Variants in CLN3 observed in about 807,000 individuals in gnomAD.
The protein encoded by CLN3 is battenin.
In CLN3, 49 loss-of-function variants were observed where a neutral mutation model predicts 60.7. The ratio of observed to expected loss-of-function variants is 0.81; its 90% CI spans 0.64 to 1.02. The LOEUF is 1.02. Among genes scored for constraint, CLN3 ranks in the 50% least tolerant of loss-of-function variants. CLN3 has a pLI of 0.00. For synonymous variants in CLN3, 256 were observed against 245.8 expected (o/e 1.04, Z -0.39); for missense variants, 516 against 557.4 (o/e 0.93, Z 0.75).
At chr16:28,482,430 C>T (rs1320295852) in intron 12 of CLN3, 47 bp downstream of exon 12, 1 of 1,613,518 alleles carries the variant, frequency 6.2e-7, no homozygotes, top group Non-Finnish European at 8.5e-7. Flanking sequence ...GTGTGGGTCC[C>T]AGCCCCAATC....
chr16:28,477,294 G>A lies in CLN3; in HGVS notation c.*222C>T, dbSNP rs1487182506. The A allele has an allele frequency of 1.8e-5, 11 of 597,606 alleles. No homozygotes were observed. The highest frequency in any genetic ancestry group is 2.9e-5 in the East Asian group (1 of 34,720). The allele number at this position is 597,606 out of a possible 1,614,324, so 37.0% of individuals were successfully genotyped here. A position where few individuals can be genotyped will look rare whatever the true frequency, so the allele number is the denominator to read the frequency against. On this transcript the variant is annotated 3_prime_UTR_variant, in exon 16 of 16. Transcript: ENST00000636147. ...ATATAAGAAGTCCATGGATAAAATC[G>A]GCATTTATTCAGAAGGCATGATGCC...
At chr16:28,472,235 A>G (rs1220935227), downstream of CLN3, among the ~76,000 whole-genome samples, 1 of 152,044 alleles carries the variant, frequency 6.6e-6, no homozygotes, top group African/African-American at 2.4e-5. Context: ...CAACATAGTG[A>G]GACACCGTCT....
At chr16:28,481,440 A>ACACACACACACACACACG in intron 14 of CLN3, among the ~76,000 whole-genome samples, 1 of 133,776 alleles carries the variant, frequency 7.5e-6, no homozygotes, top group Non-Finnish European at 1.6e-5. Context: ...ACACACACAC[A>ACACACACACACACACACG]CACACACACA....
chr16:28,491,302 G>T (rs534644040), intron 3 of CLN3, among the ~76,000 whole-genome samples, 180 bp downstream of exon 3: 1 of 152,336 alleles, frequency 6.6e-6, no homozygotes, highest in African/African-American at 2.4e-5. Context: ...GCTAAATCCG[G>T]AAGGTGATAA....
chr16:28,491,715 C>T lies in CLN3; in HGVS notation c.45G>A (p.Glu15=), dbSNP rs201824641. The part of the protein sequence containing the change: ...AGSRRRFSDS[E]GEETVPEPRL... ...ATGAGGGTGGGCGGGAATACTCACC[C>T]TCGGAATCCGAAAAGCGCCGCCGCG... Residue 15 remains glutamate (E), a splice_region_variant and synonymous_variant, in exon 2 of 16, where the codon GAG becomes GAA. Transcript: ENST00000636147. The T allele has an allele frequency of 9.2e-4, 1,477 of 1,614,092 alleles. 20 individuals carry two copies. In the South Asian group the frequency reaches 0.012, roughly 14 times the overall value.
chr16:28,489,460 C>A, intron 3 of CLN3, 74 bp from the exon 4 acceptor site: 1 of 1,029,774 alleles, frequency 9.7e-7, no homozygotes, highest in South Asian at 1.4e-5. Context: ...CAAACCTTCC[C>A]TTACCTGTGC....
At chr16:28,487,292 C>T in intron 7 of CLN3, 164 bp downstream of exon 7, 1 of 702,664 alleles carries the variant, frequency 1.4e-6, no homozygotes, top group African/African-American at 1.8e-5. Flanking sequence ...GCCTACCCCT[C>T]CAAATTGTCC....
intron 10 of CLN3, 98 bp from the exon 11 acceptor site, chr16:28,482,770 G>C: frequency 7.7e-7 from 1 of 1,290,604 alleles, no homozygotes; most frequent in Non-Finnish European, 1.1e-6. Flanking sequence ...CCACGCAACA[G>C]TGGGAACTCA....
downstream of CLN3, among the ~76,000 whole-genome samples, chr16:28,470,745 G>A (rs2045944551): frequency 6.6e-6 from 1 of 150,922 alleles, no homozygotes; most frequent in South Asian, 2.1e-4. Context: ...GTCTGGGAAA[G>A]GATCCGGTTC....
At chr16:28,470,745 G>C (rs2045944551), downstream of CLN3, among the ~76,000 whole-genome samples, 1 of 150,922 alleles carries the variant, frequency 6.6e-6, no homozygotes, top group South Asian at 2.1e-4. Context: ...GTCTGGGAAA[G>C]GATCCGGTTC....
At chr16:28,485,040 G>A (rs1447033769) in intron 9 of CLN3, 1 of 151,330 alleles carries the variant, frequency 6.6e-6, no homozygotes, top group Non-Finnish European at 1.5e-5. Context: ...CTGCCTCCTG[G>A]GTTCAAGCGA....
chr16:28,478,135 C>T (rs1242545266), intron 14 of CLN3, among the ~76,000 whole-genome samples: 1 of 150,870 alleles, frequency 6.6e-6, no homozygotes. Flanking sequence ...CATGGTAAAA[C>T]CCCATCTCAA....
intron 6 of CLN3, 48 bp from the exon 7 acceptor site, chr16:28,487,589 C>A (rs745614079): frequency 1.3e-6 from 2 of 1,596,856 alleles, no homozygotes; most frequent in Non-Finnish European, 1.7e-6. Flanking sequence ...TCTCTACTCT[C>A]AGCATCTCAG....
downstream of CLN3, chr16:28,475,568 A>T (rs2045984516): frequency 1.3e-5 from 2 of 152,256 alleles, no homozygotes; most frequent in Admixed American, 1.3e-4. Flanking sequence ...CCATGCTATT[A>T]ACCAGTGGGT....
At chr16:28,483,710 TTTC>T (rs1596558286) in intron 10 of CLN3, among the ~76,000 whole-genome samples, 1 of 131,414 alleles carries the variant, frequency 7.6e-6, no homozygotes, top group Non-Finnish European at 1.7e-5. Flanking sequence ...CTTCCTTTCT[TTTC>T]TTTTTTTTTT....
At chr16:28,483,854 G>A (rs973088353) in intron 10 of CLN3, 152 bp downstream of exon 10, 17 of 644,752 alleles carry the variant, frequency 2.6e-5, no homozygotes, top group Non-Finnish European at 4.1e-5. Flanking sequence ...CACTGTGCTC[G>A]TCCTCAACAA....
chr16:28,491,604 T>C (rs754289017), intron 2 of CLN3, 44 bp from the exon 3 acceptor site: 2 of 1,613,516 alleles, frequency 1.2e-6, no homozygotes, highest in Non-Finnish European at 1.7e-6. Context: ...TACTCTCAGG[T>C]GCACGACCGC....
chr16:28,491,412 T>C (rs2046310817), intron 3 of CLN3, 70 bp downstream of exon 3: 1 of 1,573,364 alleles, frequency 6.4e-7, no homozygotes, highest in Admixed American at 1.8e-5. Flanking sequence ...TAACTCTTTC[T>C]TCCCCCTTTC....
intron 9 of CLN3, 147 bp downstream of exon 9, chr16:28,486,200 G>T: frequency 3.0e-6 from 3 of 990,606 alleles, no homozygotes; most frequent in South Asian, 2.7e-5. Flanking sequence ...GTTTCACCAT[G>T]TTGGCCAGGC....
Sources: allele counts gnomAD v4.1 joint callset (sites outside exome capture counted in the v4.1 genomes callset), GRCh38; gene constraint gnomAD v4.1.1; transcripts MANE v1.5; gene names NCBI Gene and HGNC (gene_info 2026-07-23, HGNC 2026-07-21).